MAML2: variants seen among roughly 807,000 people sequenced by gnomAD.
The protein encoded by MAML2 is mastermind like transcriptional coactivator 2.
A neutral mutation model predicts 96.1 loss-of-function variants in MAML2; 22 were observed. That is an observed-to-expected ratio of 0.23 (90% confidence interval 0.16 to 0.33). The LOEUF (loss-of-function observed/expected upper bound fraction) is 0.33. Ranked by LOEUF, MAML2 falls within the 10% of genes least tolerant of loss-of-function variation. MAML2 has a pLI of 1.00. For missense variants in MAML2, 1,367 were observed against 1,392.4 expected (o/e 0.98, Z 0.29); for synonymous variants, 561 against 521.3 (o/e 1.08, Z -1.04).
At chr11:96,301,447 C>T (rs1209386767) in intron 1 of MAML2, among the ~76,000 whole-genome samples, 1 of 152,192 alleles carries the variant, frequency 6.6e-6, no homozygotes, top group African/African-American at 2.4e-5. Context: ...CCACCAACTC[C>T]TCTCCACTGC....
At chr11:96,112,116 A>G (rs990340159) in intron 1 of MAML2, among the ~76,000 whole-genome samples, 4 of 152,246 alleles carry the variant, frequency 2.6e-5, no homozygotes, top group African/African-American at 9.6e-5. Context: ...GTGAAAATAA[A>G]AGATTTTTAA....
chr11:96,099,445 G>A (rs1356247949), intron 1 of MAML2, among the ~76,000 whole-genome samples: 1 of 152,122 alleles, frequency 6.6e-6, no homozygotes, highest in African/African-American at 2.4e-5. Context: ...GCCCTACCAA[G>A]ATCTGAGCTT....
rs1000786793 is a variant in MAML2, at chr11:95,978,748, A to G, written c.*200T>C. On this transcript the variant is annotated 3_prime_UTR_variant, in exon 5 of 5. Transcript: ENST00000524717. Reference sequence around the variant, plus strand: ...GTTTAGACAGGGAAAAGTGATCCCAATATTTTACTTTCAGGTGTAAGATTT... The same window carrying G: ...GTTTAGACAGGGAAAAGTGATCCCAGTATTTTACTTTCAGGTGTAAGATTT... 1.8e-6 allele frequency: 1 copy of G among 566,476 alleles called. No individual in the cohort carries two copies. The highest frequency in any genetic ancestry group is 3.1e-6 in the Non-Finnish European group (1 of 326,406). The allele number at this position is 566,476 out of a possible 1,614,324, so 35.1% of individuals were successfully genotyped here.
chr11:96,015,898 C>T lies in MAML2; in HGVS notation c.2140-24175G>A, dbSNP rs151014125. Among the ~76,000 whole-genome samples, 619 of 151,268 alleles carry T rather than the reference C, an allele frequency of 4.1e-3. 3 individuals carry two copies. The highest frequency in any genetic ancestry group is 0.015 in the African/African-American group (598 of 41,164). On this transcript the variant is annotated intron_variant, in intron 2 of 4. Transcript: ENST00000524717. ...TGACAAGGCTCAGTTAATGTGGTGA[C>T]TATTATTATTATTATTTAACTTCTC... is the stretch of plus-strand genomic sequence containing the variant.
At chr11:96,029,860 T>G (rs1196886986) in intron 2 of MAML2, among the ~76,000 whole-genome samples, 1 of 152,174 alleles carries the variant, frequency 6.6e-6, no homozygotes, top group African/African-American at 2.4e-5. Flanking sequence ...GAGTTTTTTG[T>G]TTTTGTTTTT....
At chr11:95,994,526 C>A (rs1357077882) in intron 2 of MAML2, among the ~76,000 whole-genome samples, 2 of 151,814 alleles carry the variant, frequency 1.3e-5, no homozygotes, top group Admixed American at 6.6e-5. Context: ...GGGGGCTGGG[C>A]CTTTTGGTGC....
At chr11:96,320,153 T>C (rs1863681679) in intron 1 of MAML2, among the ~76,000 whole-genome samples, 1 of 152,188 alleles carries the variant, frequency 6.6e-6, no homozygotes, top group Non-Finnish European at 1.5e-5. Context: ...GATATATCTA[T>C]GAAATATTTG....
In MAML2 at chr11:96,330,191, C is replaced by T. The variant is rs150181033; in HGVS notation, c.513+11192G>A. 1.8e-3 allele frequency among the ~76,000 whole-genome samples: 279 copies of T among 152,112 alleles called. 1 individual carries two copies. The highest frequency in any genetic ancestry group is 6.5e-3 in the African/African-American group (269 of 41,470). ...TAGAGGAACAGTGATCTGAGGAAGC[C>T]TAGGAGAATGTTGATGCACATGAAG... On this transcript the variant is annotated intron_variant, in intron 1 of 4. Transcript: ENST00000524717.
chr11:96,178,925 C>T (rs1406174092), intron 1 of MAML2, among the ~76,000 whole-genome samples: 1 of 152,174 alleles, frequency 6.6e-6, no homozygotes, highest in East Asian at 1.9e-4. Flanking sequence ...TTTTGACCCT[C>T]TTCTGAAAAA....
At chr11:96,103,742 A>C (rs949300351) in intron 1 of MAML2, among the ~76,000 whole-genome samples, 1 of 152,080 alleles carries the variant, frequency 6.6e-6, no homozygotes, top group Non-Finnish European at 1.5e-5. Context: ...CGCGGTAAGC[A>C]ATCAAGTATT....
At chr11:96,220,238 T>C (rs2135945953) in intron 1 of MAML2, among the ~76,000 whole-genome samples, 1 of 152,278 alleles carries the variant, frequency 6.6e-6, no homozygotes, top group South Asian at 2.1e-4. Flanking sequence ...GTGACCCTCC[T>C]TCACTCTCTT....
chr11:96,123,209 C>T (rs570643269), intron 1 of MAML2, among the ~76,000 whole-genome samples: 15 of 152,294 alleles, frequency 9.8e-5, no homozygotes, highest in African/African-American at 3.6e-4. Flanking sequence ...TAGCCAGCTC[C>T]TAAGCAGCCC....
intron 1 of MAML2, among the ~76,000 whole-genome samples, chr11:96,334,895 T>C (rs1412431264): frequency 6.6e-6 from 1 of 152,250 alleles, no homozygotes; most frequent in African/African-American, 2.4e-5. Context: ...TCTCTAGTTG[T>C]CCTCAACCTG....
At chr11:96,163,823 C>T (rs1455939961) in intron 1 of MAML2, among the ~76,000 whole-genome samples, 2 of 151,212 alleles carry the variant, frequency 1.3e-5, no homozygotes, top group African/African-American at 4.9e-5. Context: ...AAAGGATATT[C>T]TATCTTCTGA....
chr11:95,991,443 A>G, intron 3 of MAML2, 77 bp downstream of exon 3: 1 of 1,351,500 alleles, frequency 7.4e-7, no homozygotes, highest in Non-Finnish European at 1.1e-6. Context: ...TAGGCACAGT[A>G]AATATAAATG....
At chr11:96,198,054 A>G (rs147890086) in intron 1 of MAML2, among the ~76,000 whole-genome samples, 154 of 152,302 alleles carry the variant, frequency 1.0e-3, no homozygotes, top group African/African-American at 3.5e-3. Flanking sequence ...ACAATGGAAA[A>G]CCATTGAAAA....
chr11:96,199,271 C>G (rs993434075), intron 1 of MAML2, among the ~76,000 whole-genome samples: 4 of 151,322 alleles, frequency 2.6e-5, no homozygotes, highest in Non-Finnish European at 2.9e-5. Context: ...TCTCCTTCTT[C>G]CCAGCTGGAC....
intron 1 of MAML2, among the ~76,000 whole-genome samples, chr11:96,213,906 C>A (rs1198500638): frequency 6.6e-6 from 1 of 152,096 alleles, no homozygotes; most frequent in Non-Finnish European, 1.5e-5. Context: ...TTGGCAGTCT[C>A]CAGACGACAG....
At chr11:96,026,634 A>G (rs939607412) in intron 2 of MAML2, among the ~76,000 whole-genome samples, 13 of 152,156 alleles carry the variant, frequency 8.5e-5, no homozygotes, top group Non-Finnish European at 1.2e-4. Flanking sequence ...AAGGTGATCA[A>G]AAGTATTCCT....
Sources: allele counts gnomAD v4.1 joint callset (sites outside exome capture counted in the v4.1 genomes callset), GRCh38; gene constraint gnomAD v4.1.1; transcripts MANE v1.5; gene names NCBI Gene and HGNC (gene_info 2026-07-23, HGNC 2026-07-21).